The following DLGAP2 variants were observed in gnomAD, a reference collection of about 807,000 sequenced individuals.
DLGAP2 encodes disks large-associated protein 2.
A neutral mutation model predicts 100.3 loss-of-function variants in DLGAP2; 26 were observed. That is an observed-to-expected ratio of 0.26 (90% CI 0.19 to 0.36). The LOEUF (loss-of-function observed/expected upper bound fraction) is 0.36. DLGAP2 is among the 10% of genes least tolerant of loss of function. The pLI is 1.00. For missense variants in DLGAP2, 1,858 were observed against 1,453.2 expected (o/e 1.28, Z -4.53); for synonymous variants, 886 against 630.1 (o/e 1.41, Z -6.08).
chr8:759,088 T>TCCCGTTATCAATACC (rs1563415498), intron 1 of DLGAP2, among the ~76,000 whole-genome samples: 3 of 33,586 alleles, frequency 8.9e-5, no homozygotes, highest in African/African-American at 2.2e-4. Flanking sequence ...CCCACAGCCT[T>TCCCGTTATCAATACC]CCTGTTATCA....
chr8:1,333,618 C>T (rs757733398), intron 3 of DLGAP2, among the ~76,000 whole-genome samples: 2 of 152,162 alleles, frequency 1.3e-5, no homozygotes, highest in Non-Finnish European at 2.9e-5. Context: ...TAATAGGCAG[C>T]GACTGTGGCG....
chr8:1,083,804 C>A (rs976043571), intron 2 of DLGAP2, among the ~76,000 whole-genome samples: 2 of 151,982 alleles, frequency 1.3e-5, no homozygotes, highest in African/African-American at 4.8e-5. Context: ...TATGAATGTA[C>A]CTTAATGAAA....
intron 2 of DLGAP2, among the ~76,000 whole-genome samples, chr8:1,057,696 C>T (rs760738822): frequency 2.0e-5 from 3 of 152,268 alleles, no homozygotes; most frequent in African/African-American, 4.8e-5. Flanking sequence ...GATTTGTTTG[C>T]GAACAGCTTG....
At chr8:1,448,045 A>G (rs1466619942) in intron 3 of DLGAP2, among the ~76,000 whole-genome samples, 1 of 151,984 alleles carries the variant, frequency 6.6e-6, no homozygotes, top group African/African-American at 2.4e-5. Context: ...CAGCTCCTGG[A>G]TTCATTAATT....
At chr8:859,819 G>T (rs987455173) in intron 1 of DLGAP2, among the ~76,000 whole-genome samples, 7 of 152,138 alleles carry the variant, frequency 4.6e-5, no homozygotes, top group Admixed American at 4.6e-4. Flanking sequence ...AGTGAGGTGC[G>T]GTGTAGGGGC....
intron 2 of DLGAP2, among the ~76,000 whole-genome samples, chr8:1,236,921 T>C (rs1237578491): frequency 1.7e-3 from 135 of 79,902 alleles, no homozygotes; most frequent in South Asian, 2.1e-3. Flanking sequence ...TCTCACATGG[T>C]GCCGTGTCTA....
intron 1 of DLGAP2, among the ~76,000 whole-genome samples, chr8:749,279 T>C (rs1820730920): frequency 6.6e-6 from 1 of 152,236 alleles, no homozygotes; most frequent in Non-Finnish European, 1.5e-5. Flanking sequence ...GCATCAGCCA[T>C]TGCACCTGGC....
chr8:1,628,692 TTCTC>T (rs1563266868), intron 7 of DLGAP2, among the ~76,000 whole-genome samples: 1 of 147,730 alleles, frequency 6.8e-6, no homozygotes, highest in East Asian at 2.1e-4. Context: ...TGACCTCACA[TTCTC>T]TCTGACTTAC....
chr8:1,178,677 T>G (rs1320477004), intron 2 of DLGAP2, among the ~76,000 whole-genome samples: 1 of 152,156 alleles, frequency 6.6e-6, no homozygotes. Flanking sequence ...GAATGGATTT[T>G]GGGAAGTGCA....
At chr8:1,233,579 A>T (rs1350944680) in intron 2 of DLGAP2, among the ~76,000 whole-genome samples, 3 of 152,200 alleles carry the variant, frequency 2.0e-5, no homozygotes, top group African/African-American at 7.2e-5. Context: ...GACCTGATGC[A>T]AGGGGCGAAG....
rs1796220785 is a variant in DLGAP2 at position 1,386,416 on chromosome 8, C to G, written c.107-114950C>G. On this transcript the variant is annotated intron_variant, in intron 3 of 14. Transcript: ENST00000637795. Reference sequence around the variant, plus strand: ...CCTGTGAGCTTTCAGGGAGAAAAGACAGATCGAGAAACCAGATGGCTTCCA... The same window carrying G: ...CCTGTGAGCTTTCAGGGAGAAAAGAGAGATCGAGAAACCAGATGGCTTCCA... Among the ~76,000 whole-genome samples the G allele has an allele frequency of 3.3e-5, 5 of 152,156 alleles. 1 individual carries two copies. In the South Asian group the frequency reaches 1.0e-3, roughly 32 times the overall value.
intron 2 of DLGAP2, among the ~76,000 whole-genome samples, chr8:1,124,157 G>C (rs565979294): frequency 1.1e-4 from 16 of 152,340 alleles, no homozygotes; most frequent in Non-Finnish European, 2.1e-4. Flanking sequence ...AATGCTGTCT[G>C]TGTATTGACT....
chr8:1,254,992 GTCCTCTCA>G (rs1799149518), intron 2 of DLGAP2, among the ~76,000 whole-genome samples: 2 of 129,476 alleles, frequency 1.5e-5, no homozygotes, highest in South Asian at 2.5e-4. Context: ...CTGTGTGTGT[GTCCTCTCA>G]TCCTGCTTGG....
chr8:1,240,401 A>ATGTCTAGTTCTCTCACATGGCACCG, intron 2 of DLGAP2, among the ~76,000 whole-genome samples: 1 of 132,426 alleles, frequency 7.6e-6, no homozygotes, highest in Non-Finnish European at 1.6e-5. Context: ...ACATGGCACC[A>ATGTCTAGTTCTCTCACATGGCACCG]TGTCTAGTTC....
At chr8:1,260,799 C>G (rs1041975231) in intron 3 of DLGAP2, among the ~76,000 whole-genome samples, 13 of 152,206 alleles carry the variant, frequency 8.5e-5, no homozygotes, top group African/African-American at 3.1e-4. Flanking sequence ...CTGGCGCAGG[C>G]TGACTTGAGG....
chr8:1,314,046 A>C (rs1585249693), intron 3 of DLGAP2, among the ~76,000 whole-genome samples: 1 of 152,242 alleles, frequency 6.6e-6, no homozygotes, highest in African/African-American at 2.4e-5. Context: ...ATTCGTAGCA[A>C]CACACGCTTT....
chr8:1,604,251 A>T (rs1796722447), intron 6 of DLGAP2, among the ~76,000 whole-genome samples: 1 of 152,196 alleles, frequency 6.6e-6, no homozygotes, highest in African/African-American at 2.4e-5. Context: ...GTTTGCTGAA[A>T]ATGTAAATAC....
intron 13 of DLGAP2, among the ~76,000 whole-genome samples, chr8:1,694,551 G>A (rs963375499): frequency 5.9e-5 from 9 of 152,192 alleles, no homozygotes; most frequent in South Asian, 4.1e-4. Context: ...ACCTCAAAGC[G>A]TGTGGCCTGA....
intron 3 of DLGAP2, among the ~76,000 whole-genome samples, chr8:1,359,437 G>T (rs1174993538): frequency 7.2e-5 from 11 of 152,266 alleles, no homozygotes; most frequent in Admixed American, 5.2e-4. Flanking sequence ...GTAAGGACAG[G>T]TTGGAGCCCA....
Sources: gnomAD v4.1 joint callset for allele counts (sites outside exome capture counted in the v4.1 genomes callset) on GRCh38, gnomAD v4.1.1 for gene constraint, MANE v1.5 for transcripts, NCBI Gene and HGNC (gene_info 2026-07-23, HGNC 2026-07-21) for gene names.